The following CSMD2 variants were observed in gnomAD, a reference collection of about 807,000 sequenced individuals.
CSMD2 encodes the protein CUB and sushi domain-containing protein 2.
In CSMD2, 130 loss-of-function variants were observed where a neutral mutation model predicts 398.5. The observed-to-expected ratio is 0.33, with a 90% CI of 0.28 to 0.38. CSMD2 has a LOEUF of 0.38. Among genes scored for constraint, CSMD2 ranks in the 10% least tolerant of loss-of-function variants. The pLI, the probability that CSMD2 is intolerant of heterozygous loss-of-function variation, is 1.00. For synonymous variants in CSMD2, 1,828 were observed against 1,908.5 expected (o/e 0.96, Z 1.10); for missense variants, 3,829 against 4,764.9 (o/e 0.80, Z 5.78).
intron 5 of CSMD2, among the ~76,000 whole-genome samples, chr1:33,892,317 T>C (rs946568773): frequency 5.9e-5 from 9 of 152,098 alleles, no homozygotes; most frequent in African/African-American, 2.2e-4. Context: ...AAAAAAATTA[T>C]TGATTTATTT....
chr1:33,586,144 G>A (rs1639070814), intron 46 of CSMD2, among the ~76,000 whole-genome samples: 1 of 152,254 alleles, frequency 6.6e-6, no homozygotes, highest in Non-Finnish European at 1.5e-5. Context: ...CCGCGCATCA[G>A]TAAAGCAGGG....
At chr1:33,745,595 G>C (rs1415122141) in intron 13 of CSMD2, among the ~76,000 whole-genome samples, 4 of 152,148 alleles carry the variant, frequency 2.6e-5, no homozygotes, top group Non-Finnish European at 5.9e-5. Flanking sequence ...GATTCTCCCT[G>C]ACTCTGCCCA....
chr1:34,041,701 G>C (rs570243981), intron 2 of CSMD2, among the ~76,000 whole-genome samples: 1 of 152,128 alleles, frequency 6.6e-6, no homozygotes, highest in African/African-American at 2.4e-5. Context: ...GGCACGTATA[G>C]TCTGGGGTCC....
intron 6 of CSMD2, among the ~76,000 whole-genome samples, chr1:33,836,636 C>A (rs1215101032): frequency 6.6e-6 from 1 of 152,192 alleles, no homozygotes; most frequent in Non-Finnish European, 1.5e-5. Context: ...ATGAGCGAGG[C>A]TCCGTGGGTG....
intron 1 of CSMD2, among the ~76,000 whole-genome samples, chr1:34,136,636 C>A (rs1270928099): frequency 1.3e-5 from 2 of 152,174 alleles, no homozygotes; most frequent in Non-Finnish European, 2.9e-5. Context: ...CTTGTCAATT[C>A]CCATGATGCC....
intron 12 of CSMD2, among the ~76,000 whole-genome samples, chr1:33,781,797 A>G (rs1270817399): frequency 6.6e-6 from 1 of 152,198 alleles, no homozygotes; most frequent in African/African-American, 2.4e-5. Flanking sequence ...AAGCAAAGAA[A>G]TTGCAACTAT....
rs542866261 is a variant in CSMD2 at position 33,836,118 on chromosome 1, C to T, written c.1034-10344G>A. Among the ~76,000 whole-genome samples the T allele has an allele frequency of 1.9e-4, 29 of 152,298 alleles. No homozygotes were observed. In the East Asian group the frequency reaches 4.1e-3, roughly 21 times the overall value. On this transcript the variant is annotated intron_variant, in intron 6 of 70. Transcript: ENST00000373381. Reference sequence around the variant, plus strand: ...CAGCTGCAGGTGTGTTGGTGTTTGCCGGAGGTCCACTCCAGACCCTGTTTG... The same window carrying T: ...CAGCTGCAGGTGTGTTGGTGTTTGCTGGAGGTCCACTCCAGACCCTGTTTG...
rs1254164838 is a variant in CSMD2 at position 33,723,069 on chromosome 1, G to A, written c.3001+1128C>T. ...ACACAGGCATGTGTGTGCACACACG[G>A]AGGGATCTATTTCTGGACAATTATT... On this transcript the variant is annotated intron_variant, in intron 19 of 70. Coordinates refer to ENST00000373381, the MANE Select transcript of CSMD2 (RefSeq NM_001281956.2). Among the ~76,000 whole-genome samples, 9 of 152,184 alleles carry A rather than the reference G, an allele frequency of 5.9e-5. No homozygotes were observed. The East Asian group carries it at 1.7e-3, about 29-fold the overall frequency.
intron 10 of CSMD2, among the ~76,000 whole-genome samples, chr1:33,795,070 ATG>A: frequency 6.8e-6 from 1 of 146,438 alleles, no homozygotes; most frequent in East Asian, 2.0e-4. Context: ...GTGAGGCGGG[ATG>A]TGGACCTGTA....
chr1:33,801,198 T>G (rs1655567094), intron 10 of CSMD2, among the ~76,000 whole-genome samples: 2 of 152,146 alleles, frequency 1.3e-5, no homozygotes, highest in South Asian at 4.1e-4. Flanking sequence ...CCTCCCATCC[T>G]CACTCTCCAT....
intron 3 of CSMD2, among the ~76,000 whole-genome samples, chr1:33,964,274 T>C (rs1645477830): frequency 1.3e-5 from 2 of 152,182 alleles, no homozygotes; most frequent in South Asian, 4.1e-4. Context: ...AGCTATAACA[T>C]GGAGATGATA....
intron 13 of CSMD2, among the ~76,000 whole-genome samples, chr1:33,752,954 T>A (rs566628303): frequency 3.3e-5 from 5 of 152,072 alleles, no homozygotes; most frequent in Non-Finnish European, 7.4e-5. Context: ...ATGGAAAAAA[T>A]TTCTAAGCAG....
At chr1:33,645,929 C>T (rs1025179153) in intron 29 of CSMD2, among the ~76,000 whole-genome samples, 9 of 151,388 alleles carry the variant, frequency 5.9e-5, no homozygotes, top group South Asian at 2.1e-4. Flanking sequence ...AATGCAGCCA[C>T]GCCCATTTCT....
intron 5 of CSMD2, among the ~76,000 whole-genome samples, chr1:33,859,341 GT>G (rs978392778): frequency 5.9e-5 from 9 of 152,088 alleles, no homozygotes; most frequent in Non-Finnish European, 1.2e-4. Context: ...TCTTTCCCTT[GT>G]CTTCAATATC....
At chr1:33,647,515 T>G (rs1158276507) in intron 28 of CSMD2, among the ~76,000 whole-genome samples, 1 of 152,186 alleles carries the variant, frequency 6.6e-6, no homozygotes, top group Non-Finnish European at 1.5e-5. Flanking sequence ...TGATGGAAAA[T>G]GCATATTACG....
intron 12 of CSMD2, 88 bp downstream of exon 12, chr1:33,788,507 CAAAAA>C: frequency 1.4e-4 from 73 of 520,780 alleles, no homozygotes; most frequent in Middle Eastern, 3.4e-4. Flanking sequence ...GACTCCGTCT[CAAAAA>C]AAAAAAAAAA....
At chr1:33,954,575 A>G (rs917753208) in intron 3 of CSMD2, among the ~76,000 whole-genome samples, 1 of 152,208 alleles carries the variant, frequency 6.6e-6, no homozygotes, top group Admixed American at 6.5e-5. Flanking sequence ...TGATGGGTGA[A>G]TGGCTAAACA....
At chr1:33,553,164 G>GTT (rs11374390) in intron 55 of CSMD2, among the ~76,000 whole-genome samples, 55 of 151,938 alleles carry the variant, frequency 3.6e-4, no homozygotes, top group Non-Finnish European at 7.2e-4. Flanking sequence ...TACAGATGTT[G>GTT]TTTTTTTTAC....
At chr1:33,616,825 T>C in intron 39 of CSMD2, 81 bp downstream of exon 39, 2 of 1,074,990 alleles carry the variant, frequency 1.9e-6, no homozygotes, top group East Asian at 2.4e-5. Context: ...GATTTGAACT[T>C]GAACTCAATG....
Sources: allele counts gnomAD v4.1 joint callset (sites outside exome capture counted in the v4.1 genomes callset), GRCh38; gene constraint gnomAD v4.1.1; transcripts MANE v1.5; gene names NCBI Gene and HGNC (gene_info 2026-07-23, HGNC 2026-07-21).